UNC13B: variants seen among roughly 807,000 people sequenced by gnomAD.
The protein encoded by UNC13B is unc-13 homolog B, also known as protein unc-13 homolog B.
UNC13B carries 144 observed loss-of-function variants against 211.0 expected under a neutral mutation model. The observed-to-expected ratio is 0.68, with a 90% CI of 0.60 to 0.78. The LOEUF is 0.78. UNC13B is among the 30% of genes least tolerant of loss of function. The pLI, the probability that UNC13B is intolerant of heterozygous loss-of-function variation, is 0.00. For synonymous variants in UNC13B, 709 were observed against 725.8 expected (o/e 0.98, Z 0.37); for missense variants, 1,777 against 2,002.0 (o/e 0.89, Z 2.14).
intron 1 of UNC13B, among the ~76,000 whole-genome samples, chr9:35,216,737 A>C (rs1824270425): frequency 6.6e-6 from 1 of 152,240 alleles, no homozygotes; most frequent in Non-Finnish European, 1.5e-5. Flanking sequence ...AACGGAAAAT[A>C]GAAAATAAAA....
chr9:35,223,752 A>G (rs1177837537), intron 1 of UNC13B, among the ~76,000 whole-genome samples: 1 of 152,062 alleles, frequency 6.6e-6, no homozygotes, highest in Admixed American at 6.6e-5. Flanking sequence ...TGACTAGACT[A>G]ATGTCCTGAA....
chr9:35,237,818 T>G lies in UNC13B; in HGVS notation c.386T>G (p.Leu129Trp), dbSNP rs1174843197. ...ATTTTGCTTGATACAAGATTTGAGT[T>G]GCCTTTTGGTGAGTAAAATTTTAAA... is the stretch of plus-strand genomic sequence containing the variant. ...HKILLDTRFE[L>W]PFDIPEEEAR... is the part of the protein sequence containing the mutation. The change falls in exon 5 of 40, where the codon TTG (leucine) becomes TGG (tryptophan). Residue 129 changes from leucine (L) to tryptophan (W), a missense_variant. Transcript: ENST00000635942. 1 of 1,602,624 alleles carries G rather than the reference T, an allele frequency of 6.2e-7. No homozygotes were observed. The highest frequency in any genetic ancestry group is 8.5e-7 in the Non-Finnish European group (1 of 1,177,332).
intron 11 of UNC13B, among the ~76,000 whole-genome samples, chr9:35,328,598 CCCTT>C (rs34586347): frequency 0.14 from 13,715 of 98,274 alleles, 1,418 homozygotes; most frequent in Middle Eastern, 0.22. Flanking sequence ...CTGAATTGTC[CCCTT>C]CCTTCCTTCC....
chr9:35,316,658 A>G (rs1830472757), intron 11 of UNC13B, among the ~76,000 whole-genome samples: 2 of 152,196 alleles, frequency 1.3e-5, no homozygotes, highest in Non-Finnish European at 2.9e-5. Flanking sequence ...TAAAAATATG[A>G]AAATATTTCT....
intron 5 of UNC13B, among the ~76,000 whole-genome samples, chr9:35,238,937 C>T (rs139239457): frequency 3.3e-4 from 49 of 149,850 alleles, no homozygotes; most frequent in African/African-American, 1.0e-3. Context: ...TGTTATATAC[C>T]GCAAACTAAT....
rs1294258015 is a variant in UNC13B, at chr9:35,397,260, G to T, written c.11626G>T (p.Glu3876Ter). The part of the protein sequence containing the change: ...NQSFEIIRKL[E>*]CPDPSILAHY... Reference sequence around the variant, plus strand: ...GAGCTTTGAGATCATCCGGAAGCTGGAATGCCCAGACCCCAGCATCCTTGC... The same window carrying T: ...GAGCTTTGAGATCATCCGGAAGCTGTAATGCCCAGACCCCAGCATCCTTGC... Residue 3876 changes from glutamate to a stop codon, truncating the protein, a stop_gained, in exon 29 of 40, where the codon GAA (glutamate) becomes TAA (stop). Coordinates refer to ENST00000635942, the MANE Select transcript of UNC13B (RefSeq NM_001371189.2). LOFTEE classifies it high-confidence loss of function. The T allele has an allele frequency of 1.9e-6, 3 of 1,614,144 alleles. No individual in the cohort carries two copies. Among genetic ancestry groups the T allele is most frequent in the Non-Finnish European group, 2.5e-6 (3 of 1,180,036 alleles).
At chr9:35,311,741 G>C (rs1259713545) in intron 10 of UNC13B, among the ~76,000 whole-genome samples, 1 of 152,174 alleles carries the variant, frequency 6.6e-6, no homozygotes, top group Non-Finnish European at 1.5e-5. Context: ...ACCCAGGACA[G>C]AGTTAAGAAA....
intron 1 of UNC13B, among the ~76,000 whole-genome samples, chr9:35,209,341 G>A (rs528167145): frequency 1.2e-4 from 18 of 152,054 alleles, no homozygotes; most frequent in Non-Finnish European, 2.1e-4. Flanking sequence ...TGGGATTAGA[G>A]GCATGAGCTA....
chr9:35,404,091 G>A lies in UNC13B; in HGVS notation c.*58G>A. ...GCAATTTCACAAATCAGGGCCAGTG[G>A]GAGTTAGCTGTGTAACCGGCTTAGG... is the stretch of plus-strand genomic sequence containing the variant. On this transcript the variant is annotated 3_prime_UTR_variant, in exon 40 of 40. Transcript: ENST00000635942. 1 of 1,572,934 alleles carries A rather than the reference G, an allele frequency of 6.4e-7. No homozygotes were observed. The highest frequency in any genetic ancestry group is 1.3e-5 in the African/African-American group (1 of 74,466).
At chr9:35,385,834 T>G in intron 23 of UNC13B, 21 bp downstream of exon 23, 2 of 1,598,602 alleles carry the variant, frequency 1.3e-6, no homozygotes, top group Non-Finnish European at 8.6e-7. Flanking sequence ...GACTGGGGCT[T>G]GGGTGGTGCT....
intron 1 of UNC13B, among the ~76,000 whole-genome samples, chr9:35,214,563 C>G (rs960088830): frequency 2.0e-5 from 3 of 151,904 alleles, no homozygotes; most frequent in South Asian, 4.1e-4. Flanking sequence ...TGAATGTATA[C>G]TAGAAAGAAA....
chr9:35,250,629 T>C (rs1251485864), intron 6 of UNC13B, among the ~76,000 whole-genome samples: 1 of 152,198 alleles, frequency 6.6e-6, no homozygotes, highest in Non-Finnish European at 1.5e-5. Context: ...AATGTTTATA[T>C]ACAAAATGTT....
intron 11 of UNC13B, among the ~76,000 whole-genome samples, chr9:35,333,170 G>A (rs1414131894): frequency 6.6e-6 from 1 of 152,122 alleles, no homozygotes; most frequent in Non-Finnish European, 1.5e-5. Context: ...ATGAAAAATA[G>A]CATTAAAATA....
intron 1 of UNC13B, among the ~76,000 whole-genome samples, chr9:35,184,536 C>T (rs1207301908): frequency 6.6e-6 from 1 of 152,134 alleles, no homozygotes; most frequent in Non-Finnish European, 1.5e-5. Flanking sequence ...GGCGAAACCC[C>T]GTCTCCTCCA....
At chr9:35,227,751 G>T in intron 1 of UNC13B, 1 of 369,976 alleles carries the variant, frequency 2.7e-6, no homozygotes, top group South Asian at 8.1e-5. Context: ...GCCTGCCACA[G>T]GAGTAACTTA....
chr9:35,213,470 T>G (rs1587387253), intron 1 of UNC13B, among the ~76,000 whole-genome samples: 1 of 152,156 alleles, frequency 6.6e-6, no homozygotes, highest in East Asian at 1.9e-4. Context: ...ATTATTGTTG[T>G]TTAAGCCATT....
chr9:35,274,400 G>C lies in UNC13B; in HGVS notation c.526+15350G>C, dbSNP rs16924320. On this transcript the variant is annotated intron_variant, in intron 7 of 39. Transcript: ENST00000635942. ...GAATTTGCATGTCTTACAGATTCAA[G>C]AGCATATAGTAGATTAATCCATGTT... Among the ~76,000 whole-genome samples, 36 of 152,284 alleles carry C rather than the reference G, an allele frequency of 2.4e-4. 1 individual carries two copies. The highest frequency in any genetic ancestry group is 1.0e-3 in the South Asian group (5 of 4,832).
At chr9:35,254,346 G>A (rs1385472744) in intron 6 of UNC13B, among the ~76,000 whole-genome samples, 1 of 152,170 alleles carries the variant, frequency 6.6e-6, no homozygotes, top group African/African-American at 2.4e-5. Flanking sequence ...TGTCTGGTGA[G>A]GGCCCATTTC....
chr9:35,236,593 C>T lies in UNC13B; in HGVS notation c.270+7C>T, dbSNP rs1184666924. ...TATTCGTCAGTCGGATGAGGTCAGT[C>T]ATTGCATTTTCTGTTTGGAAGTATG... On this transcript the variant is annotated splice_region_variant and intron_variant, in intron 4 of 39. Coordinates refer to ENST00000635942, the MANE Select transcript of UNC13B (RefSeq NM_001371189.2). The T allele has an allele frequency of 2.5e-6, 4 of 1,611,298 alleles. No individual in the cohort carries two copies. Among genetic ancestry groups the T allele is most frequent in the Middle Eastern group, 3.3e-4 (2 of 6,050 alleles).
Sources: allele counts gnomAD v4.1 joint callset (sites outside exome capture counted in the v4.1 genomes callset), GRCh38; gene constraint gnomAD v4.1.1; transcripts MANE v1.5; gene names NCBI Gene and HGNC (gene_info 2026-07-23, HGNC 2026-07-21).